SHTN1: variants seen among roughly 807,000 people sequenced by gnomAD.
SHTN1 encodes shootin-1.
A neutral mutation model predicts 83.1 loss-of-function variants in SHTN1; 42 were observed. The observed-to-expected ratio is 0.51, with a 90% CI of 0.39 to 0.65. The LOEUF (loss-of-function observed/expected upper bound fraction) is 0.65. Among genes scored for constraint, SHTN1 ranks in the 30% least tolerant of loss-of-function variants. SHTN1 has a pLI of 0.00. For synonymous variants in SHTN1, 224 were observed against 247.7 expected, an observed-to-expected ratio of 0.90 and a Z score of 0.90; for missense variants, 622 against 737.8, an observed-to-expected ratio of 0.84 and a Z score of 1.82.
At chr10:117,045,537 G>A (rs1589909669) in intron 2 of SHTN1, among the ~76,000 whole-genome samples, 1 of 146,916 alleles carries the variant, frequency 6.8e-6, no homozygotes, top group South Asian at 2.1e-4. Flanking sequence ...GAAGTCTTCA[G>A]GAAAGCCCAT....
At chr10:116,984,304 T>C (rs2133494010) in intron 1 of SHTN1, among the ~76,000 whole-genome samples, 1 of 152,346 alleles carries the variant, frequency 6.6e-6, no homozygotes, top group Admixed American at 6.5e-5. Flanking sequence ...AATTCAGTTC[T>C]TCAGTTGCAT....
At chr10:116,981,829 C>T (rs1192764092) in intron 1 of SHTN1, among the ~76,000 whole-genome samples, 1 of 152,064 alleles carries the variant, frequency 6.6e-6, no homozygotes, top group Admixed American at 6.6e-5. Context: ...GAGGGTGAGG[C>T]GGGCAGATCA....
upstream of SHTN1, among the ~76,000 whole-genome samples, chr10:117,006,605 G>C (rs1350065018): frequency 6.6e-6 from 1 of 151,844 alleles, no homozygotes; most frequent in Admixed American, 6.6e-5. Flanking sequence ...CTGTGAGAAA[G>C]GGGTTGTGGT....
rs146247105 is a variant in SHTN1 at position 116,993,702 on chromosome 10, A to G, written c.58+11320T>C. Among the ~76,000 whole-genome samples, 419 of 152,264 alleles carry G rather than the reference A, an allele frequency of 2.8e-3. 4 individuals are homozygous for G. Among genetic ancestry groups the G allele is most frequent in the Non-Finnish European group, 5.3e-4 (36 of 68,008 alleles). Reference sequence around the variant, plus strand: ...AAATTTTCCAAGCATAATTATTAAAATGAGTGAATTAAACAGATACAGCAG... The same window carrying G: ...AAATTTTCCAAGCATAATTATTAAAGTGAGTGAATTAAACAGATACAGCAG... On this transcript the variant is annotated intron_variant, in intron 1 of 16. Coordinates refer to ENST00000355371, the MANE Select transcript of SHTN1 (RefSeq NM_001127211.3).
chr10:117,032,053 T>TA (rs34752538), intron 2 of SHTN1, among the ~76,000 whole-genome samples: 147,264 of 151,784 alleles, frequency 0.97, 71,603 homozygotes, highest in Non-Finnish European at 1. Context: ...ATAAAGGGAT[T>TA]AAAAAAAATT....
chr10:117,069,648 TATAAAGTCCAAGTG>T (rs1337521388), intron 1 of SHTN1, among the ~76,000 whole-genome samples: 50 of 152,354 alleles, frequency 3.3e-4, no homozygotes, highest in African/African-American at 1.0e-3. Flanking sequence ...CTATTACATT[TATAAAGTCCAAGTG>T]GCTTTACCAC....
chr10:116,924,366 C>T (rs1304380183), intron 11 of SHTN1, among the ~76,000 whole-genome samples: 1 of 151,008 alleles, frequency 6.6e-6, no homozygotes, highest in Non-Finnish European at 1.5e-5. Flanking sequence ...TACATAAAGA[C>T]GATGAAGCAG....
At chr10:117,060,154 A>G (rs1852879822) in intron 1 of SHTN1, among the ~76,000 whole-genome samples, 1 of 152,178 alleles carries the variant, frequency 6.6e-6, no homozygotes, top group African/African-American at 2.4e-5. Context: ...TCAAGGTTAC[A>G]GTGAGCTACA....
chr10:117,042,750 G>A (rs1934533655), intron 2 of SHTN1, among the ~76,000 whole-genome samples: 3 of 151,920 alleles, frequency 2.0e-5, no homozygotes, highest in Admixed American at 1.3e-4. Flanking sequence ...TAAGTAGCTG[G>A]GACTACAGGC....
intron 12 of SHTN1, among the ~76,000 whole-genome samples, chr10:116,917,356 G>C (rs1400982912): frequency 6.6e-6 from 1 of 152,116 alleles, no homozygotes; most frequent in Non-Finnish European, 1.5e-5. Context: ...CAGAGCTGGA[G>C]TGCAATGGCA....
At chr10:116,973,057 C>T (rs1256432830) in intron 2 of SHTN1, among the ~76,000 whole-genome samples, 2 of 152,150 alleles carry the variant, frequency 1.3e-5, no homozygotes, top group Non-Finnish European at 2.9e-5. Flanking sequence ...TAGTATCTTC[C>T]TTGCACCACC....
chr10:116,934,174 C>T (rs542609089), intron 9 of SHTN1, among the ~76,000 whole-genome samples: 112 of 152,262 alleles, frequency 7.4e-4, no homozygotes, highest in African/African-American at 2.3e-3. Context: ...TTAATTAGAT[C>T]CCATTTGTCA....
intron 13 of SHTN1, among the ~76,000 whole-genome samples, chr10:116,913,586 C>G (rs1255885480): frequency 1.3e-5 from 2 of 152,120 alleles, no homozygotes; most frequent in African/African-American, 4.8e-5. Flanking sequence ...AAGTTTTCAA[C>G]TTTTTTCTTT....
chr10:116,919,623 C>T (rs1848486254), intron 12 of SHTN1, among the ~76,000 whole-genome samples: 1 of 152,018 alleles, frequency 6.6e-6, no homozygotes, highest in Non-Finnish European at 1.5e-5. Flanking sequence ...AATTTCCCCC[C>T]AACCCTCTAA....
chr10:117,076,992 C>A (rs999985377), intron 1 of SHTN1, among the ~76,000 whole-genome samples: 2 of 152,108 alleles, frequency 1.3e-5, no homozygotes, highest in African/African-American at 2.4e-5. Context: ...AAGAAAAGTT[C>A]TAAGGACTTT....
chr10:117,028,726 C>T (rs1370163935), intron 2 of SHTN1, among the ~76,000 whole-genome samples: 7 of 152,192 alleles, frequency 4.6e-5, no homozygotes, highest in Non-Finnish European at 8.8e-5. Flanking sequence ...GGTGTTAAGC[C>T]TGCAGGTGCA....
intron 1 of SHTN1, among the ~76,000 whole-genome samples, chr10:117,122,303 C>T (rs1367944515): frequency 6.6e-6 from 1 of 152,108 alleles, no homozygotes; most frequent in Admixed American, 6.5e-5. Context: ...ACTCAACCTC[C>T]CGTATAGCTG....
chr10:117,024,252 T>G (rs558456667), intron 2 of SHTN1, among the ~76,000 whole-genome samples: 1 of 151,990 alleles, frequency 6.6e-6, no homozygotes, highest in South Asian at 2.1e-4. Context: ...AGGGATTGAC[T>G]GAAAAAGAGC....
At position 116,967,240 on chromosome 10, in the gene SHTN1, G is replaced by A. The variant is rs539405804; in HGVS notation, c.172+1412C>T. Among the ~76,000 whole-genome samples the A allele has an allele frequency of 5.3e-4, 80 of 152,202 alleles. 1 individual carries two copies. In the South Asian group the frequency reaches 7.3e-3, roughly 14 times the overall value. On this transcript the variant is annotated intron_variant, in intron 3 of 16. Coordinates refer to ENST00000355371, the MANE Select transcript of SHTN1 (RefSeq NM_001127211.3). ...ACATATTTCCATCTGGTCCCTCTGG[G>A]TCTGATCAGCTATGCTGTCTTAGGG...
Sources: allele counts gnomAD v4.1 joint callset (sites outside exome capture counted in the v4.1 genomes callset), GRCh38; gene constraint gnomAD v4.1.1; transcripts MANE v1.5; gene names NCBI Gene and HGNC (gene_info 2026-07-23, HGNC 2026-07-21).